CSTA: variants seen among roughly 807,000 people sequenced by gnomAD.
CSTA encodes the protein cystatin A.
CSTA carries 9 observed loss-of-function variants against 9.2 expected under a neutral mutation model. That is an observed-to-expected ratio of 0.97 (90% CI 0.59 to 1.70). The LOEUF (loss-of-function observed/expected upper bound fraction) is 1.70. Among genes scored for constraint, CSTA ranks in the 40% most tolerant of loss-of-function variants. The pLI, the probability that CSTA is intolerant of heterozygous loss-of-function variation, is 0.00. For missense variants in CSTA, 118 were observed against 113.1 expected (o/e 1.04, Z -0.20); for synonymous variants, 36 against 40.6 (o/e 0.89, Z 0.43).
At chr3:122,333,368 G>A (rs1264325060) in intron 1 of CSTA, among the ~76,000 whole-genome samples, 1 of 151,960 alleles carries the variant, frequency 6.6e-6, no homozygotes, top group African/African-American at 2.4e-5. Flanking sequence ...AAAATTAGCT[G>A]GGAGTGGTGG....
chr3:122,337,648 G>C lies in CSTA; in HGVS notation c.168G>C (p.Lys56Asn). Residue 56 changes from lysine (K) to asparagine (N), a missense_variant and splice_region_variant, in exon 2 of 3, where the codon AAG becomes AAC. Coordinates refer to ENST00000264474, the MANE Select transcript of CSTA (RefSeq NM_005213.4). ...TTGCTGGAACAAATTACTACATTAAGGTTAGAGTTCAGCACCTACTTTAGC... is the reference window on the plus strand; with the variant it reads ...TTGCTGGAACAAATTACTACATTAACGTTAGAGTTCAGCACCTACTTTAGC... ...QVVAGTNYYIKVRAGDNKYMH... is the reference protein window; with the variant it reads ...QVVAGTNYYINVRAGDNKYMH... 1 of 1,587,782 alleles carries C rather than the reference G, an allele frequency of 6.3e-7. No homozygotes were observed. Among genetic ancestry groups the C allele is most frequent in the Non-Finnish European group, 8.7e-7 (1 of 1,155,948 alleles).
At chr3:122,338,640 C>T (rs947577899) in intron 2 of CSTA, among the ~76,000 whole-genome samples, 1 of 152,092 alleles carries the variant, frequency 6.6e-6, no homozygotes, top group Non-Finnish European at 1.5e-5. Flanking sequence ...CGGGGAGACA[C>T]ATGTGAAAGA....
At chr3:122,326,225 T>C (rs761069438) in intron 1 of CSTA, among the ~76,000 whole-genome samples, 16 of 152,172 alleles carry the variant, frequency 1.1e-4, no homozygotes. Context: ...AGAGATGGCA[T>C]TTCATTCTGT....
chr3:122,328,243 G>C (rs1287618614), intron 1 of CSTA, among the ~76,000 whole-genome samples: 10 of 152,224 alleles, frequency 6.6e-5, no homozygotes, highest in African/African-American at 1.9e-4. Context: ...GCTCAAGCCT[G>C]TAATCCCAGC....
At chr3:122,333,931 G>A (rs370121674) in intron 1 of CSTA, among the ~76,000 whole-genome samples, 4 of 152,328 alleles carry the variant, frequency 2.6e-5, no homozygotes, top group East Asian at 3.9e-4. Flanking sequence ...TTCATAAAAT[G>A]AGGTTTAAAT....
chr3:122,338,016 T>C (rs9842752), intron 2 of CSTA: 24,309 of 197,050 alleles, frequency 0.12, 2,060 homozygotes, highest in East Asian at 0.43. Flanking sequence ...AAGCTGATTC[T>C]ACCTCAAAGC....
chr3:122,337,777 C>A, intron 2 of CSTA, 129 bp downstream of exon 2: 1 of 774,236 alleles, frequency 1.3e-6, no homozygotes, highest in Admixed American at 2.0e-5. Context: ...AGCATGATTC[C>A]TTCCAAGTGG....
chr3:122,335,765 G>A (rs2075233285), intron 1 of CSTA, among the ~76,000 whole-genome samples: 1 of 151,924 alleles, frequency 6.6e-6, no homozygotes, highest in Non-Finnish European at 1.5e-5. Context: ...CTGAGTAGCT[G>A]GAATTACAGA....
chr3:122,337,079 G>A (rs1402647893), intron 1 of CSTA, among the ~76,000 whole-genome samples: 2 of 152,122 alleles, frequency 1.3e-5, no homozygotes, highest in African/African-American at 4.8e-5. Context: ...CTACTTAATA[G>A]TATTATACCA....
chr3:122,337,931 G>T (rs564834417), intron 2 of CSTA: 2 of 393,426 alleles, frequency 5.1e-6, no homozygotes, highest in African/African-American at 2.1e-5. Context: ...TTGTGGCTGT[G>T]CTGCTGCTTA....
At chr3:122,331,301 A>C (rs1323138173) in intron 1 of CSTA, among the ~76,000 whole-genome samples, 1 of 151,880 alleles carries the variant, frequency 6.6e-6, no homozygotes, top group Admixed American at 6.6e-5. Context: ...CCATCCACAA[A>C]TTTGCATTCC....
At chr3:122,333,907 C>T (rs1180953278) in intron 1 of CSTA, among the ~76,000 whole-genome samples, 3 of 152,158 alleles carry the variant, frequency 2.0e-5, no homozygotes, top group Non-Finnish European at 4.4e-5. Flanking sequence ...CAACTCATAG[C>T]CTTACATTCT....
chr3:122,332,575 A>G (rs191678963), intron 1 of CSTA, among the ~76,000 whole-genome samples: 20 of 152,276 alleles, frequency 1.3e-4, no homozygotes, highest in Admixed American at 7.2e-4. Flanking sequence ...CTCATGGCTC[A>G]AATCCTCAGA....
chr3:122,329,958 C>G (rs1318209171), intron 1 of CSTA, among the ~76,000 whole-genome samples: 4 of 152,170 alleles, frequency 2.6e-5, no homozygotes, highest in Non-Finnish European at 5.9e-5. Context: ...GGCACAATTT[C>G]CAATTCAGTG....
intron 1 of CSTA, among the ~76,000 whole-genome samples, chr3:122,336,444 A>G (rs2075237960): frequency 1.3e-5 from 2 of 152,214 alleles, no homozygotes; most frequent in Non-Finnish European, 2.9e-5. Flanking sequence ...CACAGAGTAA[A>G]AGAAATATCC....
chr3:122,333,824 G>GAT (rs1308516061), intron 1 of CSTA, among the ~76,000 whole-genome samples: 1 of 152,214 alleles, frequency 6.6e-6, no homozygotes, highest in Non-Finnish European at 1.5e-5. Flanking sequence ...ACACAGATCA[G>GAT]ATATATAAGT....
At chr3:122,329,757 C>T (rs2075193342) in intron 1 of CSTA, among the ~76,000 whole-genome samples, 1 of 152,152 alleles carries the variant, frequency 6.6e-6, no homozygotes, top group African/African-American at 2.4e-5. Context: ...ATATCTGGAA[C>T]ATAATATAAA....
In CSTA at chr3:122,341,514, C is replaced by G; in HGVS notation, c.244C>G (p.Leu82Val). The G allele has an allele frequency of 1.2e-6, 2 of 1,614,038 alleles. No individual in the cohort carries two copies. Among genetic ancestry groups the G allele is most frequent in the Non-Finnish European group, 1.7e-6 (2 of 1,179,948 alleles). Residue 82 changes from leucine to valine, a missense_variant, in exon 3 of 3, where the codon CTT (leucine) becomes GTT (valine). Coordinates refer to ENST00000264474, the MANE Select transcript of CSTA (RefSeq NM_005213.4). ...TCCCGGACAAAATGAGGACTTGGTA[C>G]TTACTGGATACCAGGTTGACAAAAA... ...SLPGQNEDLVLTGYQVDKNKD... is the reference protein window; with the variant it reads ...SLPGQNEDLVVTGYQVDKNKD...
intron 1 of CSTA, among the ~76,000 whole-genome samples, chr3:122,325,883 G>A (rs548579586): frequency 3.3e-5 from 5 of 152,258 alleles, no homozygotes; most frequent in African/African-American, 9.6e-5. Context: ...TAGTTAAAAG[G>A]TAATTCAACT....
Sources: allele counts gnomAD v4.1 joint callset (sites outside exome capture counted in the v4.1 genomes callset), GRCh38; gene constraint gnomAD v4.1.1; transcripts MANE v1.5; gene names NCBI Gene and HGNC (gene_info 2026-07-23, HGNC 2026-07-21).